ZFR2: variants seen among roughly 807,000 people sequenced by gnomAD.
ZFR2 encodes the protein zinc finger RNA-binding protein 2.
A neutral mutation model predicts 105.7 loss-of-function variants in ZFR2; 104 were observed. That is an observed-to-expected ratio of 0.98 (90% CI 0.84 to 1.16). The LOEUF is 1.16. ZFR2 is among the 50% of genes most tolerant of loss of function. The probability of loss-of-function intolerance (pLI) is 0.00; values close to 1 mark genes in which losing one functional copy is unlikely to be tolerated. For missense variants in ZFR2, 1,425 were observed against 1,355.5 expected (o/e 1.05, Z -0.80); for synonymous variants, 634 against 597.7 (o/e 1.06, Z -0.89).
At chr19:3,822,281 G>A in intron 8 of ZFR2, 81 bp from the exon 9 acceptor site, 2 of 1,528,114 alleles carry the variant, frequency 1.3e-6, no homozygotes, top group Admixed American at 2.0e-5. Flanking sequence ...GGTCGCGGCG[G>A]AGCCTTCCTC....
rs1201977997 is a variant in ZFR2, at chr19:3,858,295, G to A, written c.53+10670C>T. On this transcript the variant is annotated intron_variant, in intron 1 of 18. Coordinates refer to ENST00000262961, the MANE Select transcript of ZFR2 (RefSeq NM_015174.2). The surrounding 1 kb of genome is among the most constrained non-coding windows in gnomAD (Gnocchi z 4.3). ...GTCCACACTTCAGAGGGACACGGGT[G>A]GGATCTGCAGATAGAGGCAGGTGGC... 6.6e-6 allele frequency among the ~76,000 whole-genome samples: 1 copy of A among 152,158 alleles called. No homozygotes were observed. The highest frequency in any genetic ancestry group is 1.5e-5 in the Non-Finnish European group (1 of 68,026).
chr19:3,843,570 C>T (rs1408694799), intron 1 of ZFR2, among the ~76,000 whole-genome samples: 6 of 151,860 alleles, frequency 4.0e-5, no homozygotes, highest in Non-Finnish European at 5.9e-5. Flanking sequence ...CGGTGGCTCA[C>T]GCCTGTAATC....
intron 1 of ZFR2, among the ~76,000 whole-genome samples, chr19:3,860,033 G>A (rs894520725): frequency 2.0e-5 from 3 of 151,860 alleles, no homozygotes; most frequent in African/African-American, 4.8e-5. Context: ...ATACCAAAAG[G>A]ACTTTTTTGC....
chr19:3,847,314 A>G (rs1354233686), intron 1 of ZFR2, among the ~76,000 whole-genome samples: 5 of 152,290 alleles, frequency 3.3e-5, no homozygotes, highest in Middle Eastern at 3.4e-3. Flanking sequence ...GCTTAAGCCC[A>G]GGGGTTCTAG....
intron 1 of ZFR2, among the ~76,000 whole-genome samples, chr19:3,851,069 G>A (rs188369539): frequency 2.0e-5 from 3 of 152,042 alleles, no homozygotes; most frequent in Admixed American, 2.0e-4. Flanking sequence ...TCCAGAACAG[G>A]GAAAAAATAC....
At chr19:3,861,734 C>T (rs1459172142) in intron 1 of ZFR2, among the ~76,000 whole-genome samples, 8 of 152,186 alleles carry the variant, frequency 5.3e-5, no homozygotes, top group African/African-American at 9.6e-5. Flanking sequence ...GAGACCAGCC[C>T]GGCCAACATG....
At chr19:3,808,614 A>C (rs1484855760) in intron 17 of ZFR2, among the ~76,000 whole-genome samples, 2 of 152,270 alleles carry the variant, frequency 1.3e-5, no homozygotes, top group East Asian at 3.9e-4. Flanking sequence ...AGAGAACATA[A>C]CTGTTGTCTC....
At chr19:3,856,111 G>C (rs2038298003) in intron 1 of ZFR2, among the ~76,000 whole-genome samples, 1 of 152,204 alleles carries the variant, frequency 6.6e-6, no homozygotes, top group Non-Finnish European at 1.5e-5. Context: ...CGCGTGCAGG[G>C]GCGTGCGCTC....
intron 11 of ZFR2, among the ~76,000 whole-genome samples, 187 bp from the exon 12 acceptor site, chr19:3,819,422 C>T (rs917941061): frequency 1.2e-4 from 19 of 152,198 alleles, no homozygotes; most frequent in African/African-American, 2.9e-4. Context: ...CGGGCTGCCC[C>T]GATGGCTGCA....
intron 11 of ZFR2, among the ~76,000 whole-genome samples, chr19:3,819,655 G>C (rs1013013370): frequency 6.6e-6 from 1 of 152,008 alleles, no homozygotes; most frequent in African/African-American, 2.4e-5. Context: ...GGAGTTCCAG[G>C]CCAGCCTGGC....
intron 1 of ZFR2, among the ~76,000 whole-genome samples, chr19:3,855,883 G>A (rs1449669326): frequency 6.6e-6 from 1 of 152,322 alleles, no homozygotes; most frequent in East Asian, 1.9e-4. Flanking sequence ...GTGTGGAACA[G>A]GGGGCAGAGG....
intron 1 of ZFR2, among the ~76,000 whole-genome samples, chr19:3,842,087 A>C (rs1264903542): frequency 6.6e-6 from 1 of 151,464 alleles, no homozygotes; most frequent in African/African-American, 2.4e-5. Context: ...ATCATACCTC[A>C]CTGCAGCCTC....
intron 1 of ZFR2, among the ~76,000 whole-genome samples, chr19:3,856,015 C>T (rs1359145167): frequency 6.6e-6 from 1 of 152,098 alleles, no homozygotes; most frequent in Non-Finnish European, 1.5e-5. Context: ...TGGCGCTGTG[C>T]GCGGATGGAA....
intron 1 of ZFR2, among the ~76,000 whole-genome samples, chr19:3,852,855 G>A (rs1240606260): frequency 6.6e-6 from 1 of 152,222 alleles, no homozygotes; most frequent in Non-Finnish European, 1.5e-5. Flanking sequence ...GATGTCTGAG[G>A]ACATCTGTGG....
chr19:3,835,675 T>C (rs1004573145), intron 1 of ZFR2, among the ~76,000 whole-genome samples: 1 of 151,278 alleles, frequency 6.6e-6, no homozygotes, highest in African/African-American at 2.4e-5. Context: ...CCGGGTGTGG[T>C]AGCTCATGCC....
chr19:3,861,087 T>A (rs1208939128), intron 1 of ZFR2, among the ~76,000 whole-genome samples: 2 of 152,130 alleles, frequency 1.3e-5, no homozygotes, highest in Non-Finnish European at 2.9e-5. Flanking sequence ...CTTCACCTCC[T>A]GCGGCAGGAC....
chr19:3,839,255 C>T (rs1218132457), intron 1 of ZFR2, among the ~76,000 whole-genome samples: 1 of 152,004 alleles, frequency 6.6e-6, no homozygotes, highest in Non-Finnish European at 1.5e-5. Flanking sequence ...TGGTCCAGGC[C>T]GGGCACATGG....
intron 17 of ZFR2, among the ~76,000 whole-genome samples, chr19:3,808,417 C>T (rs565858617): frequency 3.0e-4 from 45 of 152,384 alleles, no homozygotes; most frequent in Non-Finnish European, 5.1e-4. Context: ...ACATGTGTGT[C>T]CTGGCGCGTT....
intron 1 of ZFR2, among the ~76,000 whole-genome samples, chr19:3,863,480 T>C (rs1213414123): frequency 2.0e-5 from 3 of 152,104 alleles, no homozygotes; most frequent in Non-Finnish European, 2.9e-5. Flanking sequence ...CAGGCTGCAG[T>C]GCAGTGGTGC....
Sources: gnomAD v4.1 joint callset for allele counts (sites outside exome capture counted in the v4.1 genomes callset) on GRCh38, gnomAD v4.1.1 for gene constraint, Gnocchi (gnomAD v3.1) non-coding constraint, MANE v1.5 for transcripts, NCBI Gene and HGNC (gene_info 2026-07-23, HGNC 2026-07-21) for gene names.